The following RABGAP1L variants were observed in gnomAD, a reference collection of about 807,000 sequenced individuals.
The protein encoded by RABGAP1L is rab GTPase-activating protein 1-like.
RABGAP1L carries 63 observed loss-of-function variants against 137.7 expected under a neutral mutation model. The observed-to-expected ratio is 0.46, with a 90% CI of 0.37 to 0.56. The LOEUF (loss-of-function observed/expected upper bound fraction) is 0.56. Among genes scored for constraint, RABGAP1L ranks in the 20% least tolerant of loss-of-function variants. RABGAP1L has a pLI of 0.00. For missense variants in RABGAP1L, 1,095 were observed against 1,244.0 expected (o/e 0.88, Z 1.80); for synonymous variants, 431 against 433.7 (o/e 0.99, Z 0.08).
At chr1:174,455,560 T>C (rs1655946509) in intron 13 of RABGAP1L, among the ~76,000 whole-genome samples, 1 of 152,120 alleles carries the variant, frequency 6.6e-6, no homozygotes, top group Non-Finnish European at 1.5e-5. Flanking sequence ...ACAAAGAATG[T>C]TTATGTACAT....
At position 174,977,951 on chromosome 1, in the gene RABGAP1L, A is replaced by G. The variant is rs555001841; in HGVS notation, c.2650-856A>G. 2.6e-5 allele frequency among the ~76,000 whole-genome samples: 4 copies of G among 152,340 alleles called. No individual in the cohort carries two copies. In the South Asian group the frequency reaches 8.3e-4, roughly 32 times the overall value. On this transcript the variant is annotated intron_variant, in intron 22 of 25. Coordinates refer to ENST00000681986, the MANE Select transcript of RABGAP1L (RefSeq NM_001366446.1). ...ATAATTTATGAACTAGCAATTACAGAGTATACGCCATTAATAATTTGGGAT... is the reference window on the plus strand; with the variant it reads ...ATAATTTATGAACTAGCAATTACAGGGTATACGCCATTAATAATTTGGGAT...
In RABGAP1L at chr1:174,702,136, C is replaced by G; in HGVS notation, c.2049C>G (p.Ser683Arg). 1 of 1,611,440 alleles carries G rather than the reference C, an allele frequency of 6.2e-7. No homozygotes were observed. The highest frequency in any genetic ancestry group is 1.1e-5 in the South Asian group (1 of 90,364). The change falls in exon 17 of 26, where the codon AGC becomes AGG. Residue 683 changes from serine (S) to arginine (R), a missense_variant. Around this residue, in one of 4 missense-constraint regions of RABGAP1L, gnomAD observed 312 missense variants for 435.6 expected, o/e 0.72. Coordinates refer to ENST00000681986, the MANE Select transcript of RABGAP1L (RefSeq NM_001366446.1). Reference sequence around the variant, plus strand: ...AGGAACAGCTACCGGACCTGCATAGCCATTTTTCTGATCTGAACCTGGAAG... The same window carrying G: ...AGGAACAGCTACCGGACCTGCATAGGCATTTTTCTGATCTGAACCTGGAAG... ...LMQEQLPDLH[S>R]HFSDLNLEAH...
At position 174,444,176 on chromosome 1, in the gene RABGAP1L, A is replaced by G. The variant is rs141080138; in HGVS notation, c.1710+50031A>G. Among the ~76,000 whole-genome samples, 654 of 149,988 alleles carry G rather than the reference A, an allele frequency of 4.4e-3. 5 individuals carry two copies. Among genetic ancestry groups the G allele is most frequent in the South Asian group, 0.03 (139 of 4,630 alleles). ...TATTCAGGGTCTTTTGTAGTTCCATACAAATTTTAGGTTTTTTTTTTCTAT... is the reference window on the plus strand; with the variant it reads ...TATTCAGGGTCTTTTGTAGTTCCATGCAAATTTTAGGTTTTTTTTTTCTAT... On this transcript the variant is annotated intron_variant, in intron 13 of 25. Coordinates refer to ENST00000681986, the MANE Select transcript of RABGAP1L (RefSeq NM_001366446.1).
chr1:174,705,751 A>G (rs1679997585), intron 17 of RABGAP1L: 1 of 152,144 alleles, frequency 6.6e-6, no homozygotes, highest in Non-Finnish European at 1.5e-5. Context: ...TACTTCCTGC[A>G]TGTCTGTGTT....
intron 13 of RABGAP1L, among the ~76,000 whole-genome samples, chr1:174,436,006 T>C (rs1443016915): frequency 2.0e-5 from 3 of 152,210 alleles, no homozygotes; most frequent in Non-Finnish European, 2.9e-5. Flanking sequence ...TATGGCTGCA[T>C]AGTATTCCAT....
chr1:174,294,833 G>GTGGT (rs951648044), intron 10 of RABGAP1L, among the ~76,000 whole-genome samples: 9 of 152,278 alleles, frequency 5.9e-5, no homozygotes, highest in Admixed American at 2.6e-4. Flanking sequence ...AGGTGACTGG[G>GTGGT]TGGTTGTTGA....
At chr1:174,629,618 G>T (rs560491411) in intron 13 of RABGAP1L, among the ~76,000 whole-genome samples, 96 of 152,224 alleles carry the variant, frequency 6.3e-4, no homozygotes, top group Non-Finnish European at 1.1e-3. Flanking sequence ...CACTTCCCAG[G>T]TTCAAGCGAT....
intron 13 of RABGAP1L, among the ~76,000 whole-genome samples, chr1:174,503,849 A>G (rs914387637): frequency 6.6e-6 from 1 of 152,108 alleles, no homozygotes; most frequent in Non-Finnish European, 1.5e-5. Flanking sequence ...TATTGATGAA[A>G]TAAATTGAAG....
At chr1:174,682,909 G>T (rs1489273867) in intron 14 of RABGAP1L, among the ~76,000 whole-genome samples, 1 of 152,172 alleles carries the variant, frequency 6.6e-6, no homozygotes, top group Non-Finnish European at 1.5e-5. Context: ...GAGGCTGTCA[G>T]CCATTTTGCA....
In RABGAP1L at chr1:174,526,811, T is replaced by C. The variant is rs1225071505; in HGVS notation, c.1711-110564T>C. Among the ~76,000 whole-genome samples the C allele has an allele frequency of 2.0e-5, 3 of 152,136 alleles. 1 individual carries two copies. Among genetic ancestry groups the C allele is most frequent in the African/African-American group, 7.2e-5 (3 of 41,460 alleles). On this transcript the variant is annotated intron_variant, in intron 13 of 25. Coordinates refer to ENST00000681986, the MANE Select transcript of RABGAP1L (RefSeq NM_001366446.1). ...TTGATGCTTTATATTGCTTTTTTAG[T>C]ATCTATTTTGTTTAGCTCTGCTCTT...
At chr1:174,306,811 T>C (rs540073760) in intron 11 of RABGAP1L, among the ~76,000 whole-genome samples, 1 of 152,280 alleles carries the variant, frequency 6.6e-6, no homozygotes, top group South Asian at 2.1e-4. Flanking sequence ...ATACTCTTTT[T>C]ATACAAACTA....
intron 18 of RABGAP1L, among the ~76,000 whole-genome samples, chr1:174,781,818 T>G (rs1379710409): frequency 6.6e-6 from 1 of 152,150 alleles, no homozygotes; most frequent in Non-Finnish European, 1.5e-5. Context: ...ATTTGTTAAA[T>G]GGGAATCCTT....
chr1:174,249,428 T>A (rs1431031624), intron 5 of RABGAP1L, among the ~76,000 whole-genome samples: 1 of 152,214 alleles, frequency 6.6e-6, no homozygotes, highest in African/African-American at 2.4e-5. Flanking sequence ...AAGATTCAGA[T>A]ACCAATATCA....
chr1:174,946,057 G>A (rs964397842), intron 19 of RABGAP1L, among the ~76,000 whole-genome samples: 2 of 147,334 alleles, frequency 1.4e-5, no homozygotes, highest in Middle Eastern at 3.5e-3. Flanking sequence ...TTCCTAGCTT[G>A]CCCAGAAAGA....
intron 13 of RABGAP1L, among the ~76,000 whole-genome samples, chr1:174,455,956 A>G (rs1655998194): frequency 6.6e-6 from 1 of 152,092 alleles, no homozygotes; most frequent in Non-Finnish European, 1.5e-5. Flanking sequence ...GTGTGACAAT[A>G]ATATTGCCTG....
chr1:174,552,513 T>A (rs2147990691), intron 13 of RABGAP1L, among the ~76,000 whole-genome samples: 1 of 152,226 alleles, frequency 6.6e-6, no homozygotes, highest in East Asian at 1.9e-4. Context: ...TCATTCTTTT[T>A]TATGACTGTA....
chr1:174,265,167 A>G (rs1239964056), intron 7 of RABGAP1L, among the ~76,000 whole-genome samples: 2 of 152,202 alleles, frequency 1.3e-5, no homozygotes, highest in Non-Finnish European at 2.9e-5. Flanking sequence ...AATACATTCA[A>G]TTGTAAAAAT....
intron 5 of RABGAP1L, among the ~76,000 whole-genome samples, chr1:174,248,401 C>T (rs981417758): frequency 2.0e-5 from 3 of 152,152 alleles, no homozygotes; most frequent in African/African-American, 4.8e-5. Context: ...TTATTAGCAT[C>T]AATCTTTTGC....
chr1:174,620,783 T>G (rs997574695), intron 13 of RABGAP1L, among the ~76,000 whole-genome samples: 1 of 150,970 alleles, frequency 6.6e-6, no homozygotes, highest in Non-Finnish European at 1.5e-5. Flanking sequence ...ATAACTAAGA[T>G]CAGAGCAGAA....
Sources: gnomAD v4.1 joint callset for allele counts (sites outside exome capture counted in the v4.1 genomes callset) on GRCh38, gnomAD v4.1.1 for gene constraint, gnomAD v4.1.1 regional missense constraint, MANE v1.5 for transcripts, NCBI Gene and HGNC (gene_info 2026-07-23, HGNC 2026-07-21) for gene names.